The following ZNF578 variants were observed in gnomAD, a reference collection of about 807,000 sequenced individuals.
ZNF578 encodes the protein zinc finger protein 578.
Under a neutral mutation model 8.3 loss-of-function variants are expected in ZNF578, and 8 were observed. That is an observed-to-expected ratio of 0.96 (90% CI 0.56 to 1.74). ZNF578 has a LOEUF of 1.74. Among genes scored for constraint, ZNF578 ranks in the 40% most tolerant of loss-of-function variants. The probability of loss-of-function intolerance (pLI) is 0.00; values close to 1 mark genes in which losing one functional copy is unlikely to be tolerated. For synonymous variants in ZNF578, 206 were observed against 232.2 expected (o/e 0.89, Z 1.03); for missense variants, 726 against 707.5 (o/e 1.03, Z -0.30).
chr19:52,487,834 A>G (rs1265232107), intron 2 of ZNF578, among the ~76,000 whole-genome samples: 2 of 151,932 alleles, frequency 1.3e-5, no homozygotes, highest in Admixed American at 1.3e-4. Flanking sequence ...ACTTGGTTTC[A>G]CTATGTTTCC....
At chr19:52,479,930 G>A (rs1599892485) in intron 2 of ZNF578, among the ~76,000 whole-genome samples, 2 of 144,174 alleles carry the variant, frequency 1.4e-5, no homozygotes, top group African/African-American at 2.7e-5. Flanking sequence ...TTTATTTATT[G>A]ACGCAGTCTC....
At chr19:52,474,315 A>G (rs772325980) in intron 2 of ZNF578, 11 of 294,862 alleles carry the variant, frequency 3.7e-5, no homozygotes, top group Non-Finnish European at 4.9e-5. Flanking sequence ...CATTCATTAC[A>G]TTTGTAAGGC....
chr19:52,512,982 C>G lies in ZNF578; in HGVS notation c.*828C>G, dbSNP rs1230099194. ...GTCACTTGAGGTCAAGAGTTTGAAACAAGCATGGCCAAGAGATGTGAGCCA... is the reference window on the plus strand; with the variant it reads ...GTCACTTGAGGTCAAGAGTTTGAAAGAAGCATGGCCAAGAGATGTGAGCCA... On this transcript the variant is annotated 3_prime_UTR_variant, in exon 6 of 6. Transcript: ENST00000421239. Among the ~76,000 whole-genome samples the G allele has an allele frequency of 6.6e-6, 1 of 151,884 alleles. No individual in the cohort carries two copies. Among genetic ancestry groups the G allele is most frequent in the Non-Finnish European group, 1.5e-5 (1 of 67,970 alleles).
intron 5 of ZNF578, among the ~76,000 whole-genome samples, chr19:52,505,704 G>A (rs753748905): frequency 1.1e-4 from 16 of 152,134 alleles, no homozygotes; most frequent in African/African-American, 2.4e-4. Context: ...GATTACAGGC[G>A]TGAGCCACTG....
At chr19:52,459,975 C>G (rs1384578038) in intron 2 of ZNF578, among the ~76,000 whole-genome samples, 1 of 149,304 alleles carries the variant, frequency 6.7e-6, no homozygotes, top group Non-Finnish European at 1.5e-5. Context: ...CCATGTTGGC[C>G]AGGATGGTCT....
At chr19:52,507,010 T>C (rs1186573666) in intron 5 of ZNF578, among the ~76,000 whole-genome samples, 1 of 152,192 alleles carries the variant, frequency 6.6e-6, no homozygotes, top group Non-Finnish European at 1.5e-5. Flanking sequence ...TCCAGCACTT[T>C]GAAAGGCTGA....
intron 2 of ZNF578, among the ~76,000 whole-genome samples, chr19:52,460,747 G>T (rs1328705112): frequency 6.6e-6 from 1 of 152,124 alleles, no homozygotes; most frequent in African/African-American, 2.4e-5. Flanking sequence ...TTCTATCCTA[G>T]TTTGTTACGT....
Position 52,487,359 on chromosome 19 carries a change from G to A in ZNF578, c.-121-3965G>A, listed in dbSNP as rs368794727. On this transcript the variant is annotated intron_variant, in intron 2 of 5. Transcript: ENST00000421239. ...ATGAGTGGGTGAGTTCATTGGATATGATTAGTTGTGACATGTTGACTTCCA... is the reference window on the plus strand; with the variant it reads ...ATGAGTGGGTGAGTTCATTGGATATAATTAGTTGTGACATGTTGACTTCCA... 3.9e-5 allele frequency among the ~76,000 whole-genome samples: 6 copies of A among 152,194 alleles called. No individual in the cohort carries two copies. The East Asian group carries it at 1.2e-3, about 29-fold the overall frequency.
At chr19:52,455,826 A>G (rs1185034992) in intron 1 of ZNF578, 1 of 152,206 alleles carries the variant, frequency 6.6e-6, no homozygotes, top group African/African-American at 2.4e-5. Flanking sequence ...AAAAAATTAC[A>G]TGATTGCTTA....
At chr19:52,480,276 T>C (rs1451672454) in intron 2 of ZNF578, among the ~76,000 whole-genome samples, 1 of 152,176 alleles carries the variant, frequency 6.6e-6, no homozygotes, top group Non-Finnish European at 1.5e-5. Context: ...TCTGACATAA[T>C]GGTAGGTTTC....
At position 52,511,658 on chromosome 19, in the gene ZNF578, C is replaced by A; in HGVS notation, c.1277C>A (p.Pro426His). The A allele has an allele frequency of 6.2e-7, 1 of 1,614,024 alleles. No individual in the cohort carries two copies. Among genetic ancestry groups the A allele is most frequent in the Middle Eastern group, 1.7e-4 (1 of 6,060 alleles). The change falls in exon 6 of 6, where the codon CCT becomes CAT. Residue 426 changes from proline (P) to histidine (H), a missense_variant. Coordinates refer to ENST00000421239, the MANE Select transcript of ZNF578 (RefSeq NM_001099694.2). ...CATAGACTTCATACTGGAGAGAAAC[C>A]TTACAAGTGTAATGACTGTGGTAAG... ...RHHRLHTGEK[P>H]YKCNDCGKAF...
chr19:52,475,674 A>G (rs1004341240), intron 2 of ZNF578, among the ~76,000 whole-genome samples: 2 of 152,154 alleles, frequency 1.3e-5, no homozygotes, highest in Admixed American at 1.3e-4. Flanking sequence ...GCCAATTAAT[A>G]TCCCCTAATA....
intron 2 of ZNF578, among the ~76,000 whole-genome samples, chr19:52,473,145 G>A (rs1287201002): frequency 6.6e-6 from 1 of 152,122 alleles, no homozygotes; most frequent in Non-Finnish European, 1.5e-5. Flanking sequence ...CCTGTGTCTT[G>A]TACACTACAT....
At chr19:52,471,476 C>A (rs1164323447) in intron 2 of ZNF578, among the ~76,000 whole-genome samples, 1 of 152,170 alleles carries the variant, frequency 6.6e-6, no homozygotes, top group Non-Finnish European at 1.5e-5. Flanking sequence ...TACACCTCTG[C>A]ACTCCCTCTT....
rs763470937 is a variant in ZNF578, at chr19:52,510,613, G to C, written c.232G>C (p.Gly78Arg). The change falls in exon 6 of 6, where the codon GGG (glycine) becomes CGG (arginine). Residue 78 changes from glycine (G) to arginine (R), a missense_variant. By Grantham distance (125) the Gly-to-Arg change is moderately radical (BLOSUM62 -2). Coordinates refer to ENST00000421239, the MANE Select transcript of ZNF578 (RefSeq NM_001099694.2). Reference protein sequence around the residue: ...KRMMKEVLSTGQGNTEVIHTG... With the variant: ...KRMMKEVLSTRQGNTEVIHTG... ...CATGATGAAGGAGGTCTTGTCAACAGGGCAAGGCAATACAGAAGTGATCCA... is the reference window on the plus strand; with the variant it reads ...CATGATGAAGGAGGTCTTGTCAACACGGCAAGGCAATACAGAAGTGATCCA... 23 of 1,576,338 alleles carry C rather than the reference G, an allele frequency of 1.5e-5. No homozygotes were observed. The highest frequency in any genetic ancestry group is 1.8e-5 in the Non-Finnish European group (21 of 1,163,094).
intron 2 of ZNF578, among the ~76,000 whole-genome samples, chr19:52,477,667 C>T (rs2059312443): frequency 6.6e-6 from 1 of 151,780 alleles, no homozygotes; most frequent in South Asian, 2.1e-4. Context: ...CCAAATTAGC[C>T]ATTTCTTGTG....
At chr19:52,507,775 C>G (rs1487827781) in intron 5 of ZNF578, among the ~76,000 whole-genome samples, 1 of 152,224 alleles carries the variant, frequency 6.6e-6, no homozygotes. Flanking sequence ...CCTGGCTGGA[C>G]GAGCTGGCTC....
chr19:52,514,252 C>T lies in ZNF578; in HGVS notation c.*2098C>T, dbSNP rs1366580138. On this transcript the variant is annotated 3_prime_UTR_variant, in exon 6 of 6. Coordinates refer to ENST00000421239, the MANE Select transcript of ZNF578 (RefSeq NM_001099694.2). ...TGTAATCAGCTCACATCATTCGTTT[C>T]TGTACTTGTATATTTTCCAGTTGTT... Among the ~76,000 whole-genome samples the T allele has an allele frequency of 6.6e-6, 1 of 152,148 alleles. No individual in the cohort carries two copies. The highest frequency in any genetic ancestry group is 1.5e-5 in the Non-Finnish European group (1 of 68,038).
At chr19:52,495,329 G>A (rs562506901) in intron 3 of ZNF578, among the ~76,000 whole-genome samples, 1 of 145,358 alleles carries the variant, frequency 6.9e-6, no homozygotes, top group East Asian at 1.9e-4. Context: ...ACCATGCCCC[G>A]CTAATTTTGG....
Sources: allele counts gnomAD v4.1 joint callset (sites outside exome capture counted in the v4.1 genomes callset), GRCh38; gene constraint gnomAD v4.1.1; transcripts MANE v1.5; gene names NCBI Gene and HGNC (gene_info 2026-07-23, HGNC 2026-07-21).